The following TNPO2 variants were observed in gnomAD, a reference collection of about 807,000 sequenced individuals.
TNPO2 encodes transportin-2.
TNPO2 carries 16 observed loss-of-function variants against 111.1 expected under a neutral mutation model. That is an observed-to-expected ratio of 0.14 (90% CI 0.10 to 0.22). The LOEUF (loss-of-function observed/expected upper bound fraction) is 0.22. Ranked by LOEUF, TNPO2 falls within the 10% of genes least tolerant of loss-of-function variation. The probability of loss-of-function intolerance (pLI) is 1.00; values close to 1 mark genes in which losing one functional copy is unlikely to be tolerated. For synonymous variants in TNPO2, 481 were observed against 475.8 expected, an observed-to-expected ratio of 1.01 and a Z score of -0.14; for missense variants, 530 against 1,173.7, an observed-to-expected ratio of 0.45 and a Z score of 8.01.
At chr19:12,709,669 T>TAC (rs2025926038) in intron 13 of TNPO2, among the ~76,000 whole-genome samples, 1 of 146,260 alleles carries the variant, frequency 6.8e-6, no homozygotes, top group South Asian at 2.2e-4. Context: ...TTTTGGTAGA[T>TAC]ATGAGGTCTC....
In TNPO2 at chr19:12,700,934, G is replaced by A. The variant is rs879817581; in HGVS notation, c.*330C>T. ...CCTCACCTCATCCGAAGCCGGATTCGGTCAGCTGTGTAATTCCTCCCTCCC... is the reference window on the plus strand; with the variant it reads ...CCTCACCTCATCCGAAGCCGGATTCAGTCAGCTGTGTAATTCCTCCCTCCC... On this transcript the variant is annotated 3_prime_UTR_variant, in exon 26 of 26. Transcript: ENST00000425528. The A allele has an allele frequency of 6.9e-5, 13 of 188,232 alleles. No individual in the cohort carries two copies. The highest frequency in any genetic ancestry group is 2.4e-4 in the South Asian group (2 of 8,398). The allele number at this position is 188,232 out of a possible 1,614,324, so 11.7% of individuals were successfully genotyped here. A position where few individuals can be genotyped will look rare whatever the true frequency, so the allele number is the denominator to read the frequency against.
Position 12,721,389 on chromosome 19 carries a change from C to T in TNPO2, c.-13-399G>A, listed in dbSNP as rs776295360. 8 of 978,364 alleles carry T rather than the reference C, an allele frequency of 8.2e-6. No individual in the cohort carries two copies. The South Asian group carries it at 1.1e-4, about 13-fold the overall frequency. 60.6% of individuals were successfully genotyped at this position (978,364 alleles called of 1,614,324 possible). A position where few individuals can be genotyped will look rare whatever the true frequency, so the allele number is the denominator to read the frequency against. On this transcript the variant is annotated intron_variant, in intron 2 of 25. Transcript: ENST00000425528. This position sits in a 1 kb window ranked among gnomAD's most constrained non-coding sequence, Gnocchi z 4.9. ...CCACATCCAGGGGCCCCGCCCCAGACCGTGATAGCGCCCCGGCCCCCGTGG... is the reference window on the plus strand; with the variant it reads ...CCACATCCAGGGGCCCCGCCCCAGATCGTGATAGCGCCCCGGCCCCCGTGG...
At chr19:12,711,866 G>GCT (rs2026067629) in intron 10 of TNPO2, among the ~76,000 whole-genome samples, 1 of 142,530 alleles carries the variant, frequency 7.0e-6, no homozygotes, top group Middle Eastern at 3.3e-3. Flanking sequence ...CCAGAGAAAG[G>GCT]TTTTTTTTTT....
chr19:12,709,510 G>T (rs1458450780), intron 13 of TNPO2, among the ~76,000 whole-genome samples: 2 of 151,998 alleles, frequency 1.3e-5, no homozygotes, highest in Non-Finnish European at 2.9e-5. Flanking sequence ...TTTTGAGACA[G>T]GGTCTCAGTC....
chr19:12,720,614 T>C (rs1230323296), intron 3 of TNPO2, among the ~76,000 whole-genome samples: 1 of 152,194 alleles, frequency 6.6e-6, no homozygotes, highest in Non-Finnish European at 1.5e-5. Flanking sequence ...AGCCACCCCG[T>C]TGGGCCAGGG....
At chr19:12,709,899 G>A (rs913641226) in intron 13 of TNPO2, among the ~76,000 whole-genome samples, 3 of 152,108 alleles carry the variant, frequency 2.0e-5, no homozygotes, top group Non-Finnish European at 4.4e-5. Context: ...GATTACAGGC[G>A]TGCACCACAG....
intron 1 of TNPO2, 28 bp from the exon 2 acceptor site, chr19:12,723,393 C>G (rs1555720456): frequency 6.6e-6 from 1 of 152,102 alleles, no homozygotes; most frequent in Non-Finnish European, 1.5e-5. Flanking sequence ...TGGTAAAAAG[C>G]TGGAGACCCT....
chr19:12,710,555 G>A (rs1449468198), intron 13 of TNPO2, 66 bp downstream of exon 13: 2 of 1,561,824 alleles, frequency 1.3e-6, no homozygotes, highest in Admixed American at 3.7e-5. Flanking sequence ...CATTGGTGTG[G>A]CTAGTAATGT....
In TNPO2 at chr19:12,720,889, A is replaced by G. The variant is rs781230703; in HGVS notation, c.89T>C (p.Ile30Thr). ...SQSPNTATQRIVQDKLKQLNQ... is the reference protein window; with the variant it reads ...SQSPNTATQRTVQDKLKQLNQ... The stretch of plus-strand genomic sequence containing the variant: ...AGGAAGGAAGGATACATCCTGCACG[A>G]TGCGCTGAGTGGCTGTGTTGGGCGA... The change falls in exon 3 of 26, where the codon ATC becomes ACC. Residue 30 changes from isoleucine (I) to threonine (T), a missense_variant. Transcript: ENST00000425528. The G allele has an allele frequency of 1.2e-6, 2 of 1,603,046 alleles. No homozygotes were observed. The highest frequency in any genetic ancestry group is 2.2e-5 in the South Asian group (2 of 89,198).
In TNPO2 at chr19:12,715,427, T is replaced by G; in HGVS notation, c.544A>C (p.Lys182Gln). ...CACCGGATCTTGGGACTGCAGTGCT[T>G]GAAGAACTGCAGGAACTTGGGGATC... ...IMIPKFLQFF[K>Q]HCSPKIRSHA... is the part of the protein sequence containing the mutation. Residue 182 changes from lysine to glutamine, a missense_variant, in exon 7 of 26, where the codon AAG (lysine) becomes CAG (glutamine). This residue lies in a region of TNPO2 where 156 missense variants were observed against 405.8 expected (regional missense o/e 0.38). Transcript: ENST00000425528. This position sits in a 1 kb window ranked among gnomAD's most constrained non-coding sequence, Gnocchi z 7.1. 1 of 1,613,794 alleles carries G rather than the reference T, an allele frequency of 6.2e-7. No homozygotes were observed. The highest frequency in any genetic ancestry group is 8.5e-7 in the Non-Finnish European group (1 of 1,179,848).
rs202211498 is a variant in TNPO2, at chr19:12,706,189, G to T, written c.1668+7C>A. 2.4e-4 allele frequency: 385 copies of T among 1,613,156 alleles called. No individual in the cohort carries two copies. Among genetic ancestry groups the T allele is most frequent in the Non-Finnish European group, 3.1e-4 (370 of 1,179,576 alleles). Reference sequence around the variant, plus strand: ...ATCGGGAGGCGGGAGCCGCTCTGGGGTCTCACCGGCTGGTTGAGGTGGTGG... The same window carrying T: ...ATCGGGAGGCGGGAGCCGCTCTGGGTTCTCACCGGCTGGTTGAGGTGGTGG... On this transcript the variant is annotated splice_region_variant and intron_variant, in intron 15 of 25. Transcript: ENST00000425528. This position sits in a 1 kb window ranked among gnomAD's most constrained non-coding sequence, Gnocchi z 7.0.
At position 12,702,800 on chromosome 19, in the gene TNPO2, C is replaced by CA. The variant is rs781258028; in HGVS notation, c.2305+22dup. The CA allele has an allele frequency of 1.2e-5, 19 of 1,609,286 alleles. No homozygotes were observed. The highest frequency in any genetic ancestry group is 1.7e-5 in the Admixed American group (1 of 59,962). On this transcript the variant is annotated intron_variant, in intron 21 of 25. Transcript: ENST00000425528. The surrounding 1 kb of genome is among the most constrained non-coding windows in gnomAD (Gnocchi z 5.5). The stretch of plus-strand genomic sequence containing the variant: ...TCCAGAAGGCAGGCAGGGGTGCAGG[C>CA]AGCAGCCGGGCCAGGTGCCCACCTG...
chr19:12,714,523 A>C (rs2026255482), intron 10 of TNPO2, among the ~76,000 whole-genome samples: 1 of 152,078 alleles, frequency 6.6e-6, no homozygotes, highest in Non-Finnish European at 1.5e-5. Flanking sequence ...CGTGTTAGCC[A>C]GGCTGGTCTC....
In TNPO2 at chr19:12,710,718, C is replaced by A; in HGVS notation, c.1173G>T (p.Leu391=). 1.2e-6 allele frequency: 2 copies of A among 1,613,290 alleles called. No individual in the cohort carries two copies. The highest frequency in any genetic ancestry group is 1.3e-5 in the African/African-American group (1 of 75,016). Residue 391 remains leucine, a synonymous_variant, in exon 13 of 26, where the codon CTG becomes CTT. Coordinates refer to ENST00000425528, the MANE Select transcript of TNPO2 (RefSeq NM_001382241.1). ...TGAGTAGTGGGAGTAGGTGGGGCAG[C>A]AGTTCCTCCCGGAAGACATTGGCGA... is the stretch of plus-strand genomic sequence containing the variant. The part of the protein sequence containing the change: ...DVLANVFREE[L]LPHLLPLLKG...
intron 20 of TNPO2, 65 bp downstream of exon 20, chr19:12,703,363 G>A: frequency 1.4e-6 from 2 of 1,478,644 alleles, no homozygotes; most frequent in Admixed American, 1.7e-5. Context: ...TCAGAGCTAG[G>A]CTCCCGCCCC....
intron 13 of TNPO2, among the ~76,000 whole-genome samples, chr19:12,707,677 C>T (rs939221755): frequency 2.7e-5 from 4 of 150,832 alleles, no homozygotes; most frequent in Non-Finnish European, 4.4e-5. Flanking sequence ...TTAGTAGAGA[C>T]GGGGTTTTAC....
intron 10 of TNPO2, among the ~76,000 whole-genome samples, chr19:12,712,446 C>T (rs1302118381): frequency 2.0e-5 from 3 of 152,216 alleles, no homozygotes; most frequent in Non-Finnish European, 1.5e-5. Context: ...CTAACCGTCT[C>T]CCTGAGATGC....
rs568732455 is a variant in TNPO2 at position 12,703,912 on chromosome 19, G to A, written c.2023-111C>T. 5.0e-5 allele frequency: 49 copies of A among 971,404 alleles called. No individual in the cohort carries two copies. In the South Asian group the frequency reaches 7.9e-4, roughly 16 times the overall value. 60.2% of individuals were successfully genotyped at this position (971,404 alleles called of 1,614,324 possible). On this transcript the variant is annotated intron_variant, in intron 18 of 25. Coordinates refer to ENST00000425528, the MANE Select transcript of TNPO2 (RefSeq NM_001382241.1). ...CAGCCTCTGCCACTTTCCAGTTCTA[G>A]AGCTCCTAGCTGTTCCTTAACCTCC...
Position 12,719,374 on chromosome 19 carries a change from T to C in TNPO2, c.100-38A>G, listed in dbSNP as rs1599429674. ...TAAGGGACTTGGAAGACAGAGGCCT[T>C]CCCCCAGCCAGGTCCCCTCATTATG... On this transcript the variant is annotated intron_variant, in intron 3 of 25. Transcript: ENST00000425528. The surrounding 1 kb of genome is among the most constrained non-coding windows in gnomAD (Gnocchi z 5.0). The C allele has an allele frequency of 6.3e-7, 1 of 1,584,590 alleles. No homozygotes were observed. Among genetic ancestry groups the C allele is most frequent in the Non-Finnish European group, 8.7e-7 (1 of 1,154,700 alleles).
Sources: allele counts gnomAD v4.1 joint callset (sites outside exome capture counted in the v4.1 genomes callset), GRCh38; gene constraint gnomAD v4.1.1; regional missense constraint gnomAD v4.1.1; non-coding constraint Gnocchi (gnomAD v3.1); transcripts MANE v1.5; gene names NCBI Gene and HGNC (gene_info 2026-07-23, HGNC 2026-07-21).